RBM20: variants seen among roughly 807,000 people sequenced by gnomAD.
The protein encoded by RBM20 is RNA binding motif protein 20.
In RBM20, 51 loss-of-function variants were observed where a neutral mutation model predicts 110.1. The observed-to-expected ratio is 0.46, with a 90% CI of 0.37 to 0.59. The LOEUF (loss-of-function observed/expected upper bound fraction) is 0.59. Among genes scored for constraint, RBM20 ranks in the 20% least tolerant of loss-of-function variants. The probability of loss-of-function intolerance (pLI) is 0.00; values close to 1 mark genes in which losing one functional copy is unlikely to be tolerated. For synonymous variants in RBM20, 589 were observed against 618.2 expected (o/e 0.95, Z 0.70); for missense variants, 1,512 against 1,574.9 (o/e 0.96, Z 0.68).
At chr10:110,808,216 C>A (rs542519222) in intron 7 of RBM20, among the ~76,000 whole-genome samples, 13 of 152,250 alleles carry the variant, frequency 8.5e-5, no homozygotes, top group Non-Finnish European at 1.8e-4. Flanking sequence ...TGACAACCGA[C>A]CCTGGCTGAA....
chr10:110,828,086 G>A (rs889523553), intron 12 of RBM20, among the ~76,000 whole-genome samples: 1 of 152,202 alleles, frequency 6.6e-6, no homozygotes, highest in East Asian at 1.9e-4. Flanking sequence ...GAAACAAACA[G>A]CATCGCCTGC....
At chr10:110,659,866 T>A (rs1327893933) in intron 1 of RBM20, among the ~76,000 whole-genome samples, 30 of 148,176 alleles carry the variant, frequency 2.0e-4, no homozygotes, top group Middle Eastern at 6.9e-3. Context: ...CTTTTTTTTT[T>A]AATTTTTTTT....
intron 1 of RBM20, among the ~76,000 whole-genome samples, chr10:110,646,092 A>G (rs1182728488): frequency 2.0e-5 from 3 of 152,248 alleles, no homozygotes; most frequent in Non-Finnish European, 2.9e-5. Context: ...ATTTGGAAAC[A>G]TCTGATGTGC....
At chr10:110,667,814 T>C (rs768701288) in intron 1 of RBM20, among the ~76,000 whole-genome samples, 4 of 152,202 alleles carry the variant, frequency 2.6e-5, no homozygotes, top group Non-Finnish European at 5.9e-5. Flanking sequence ...CCATCCAGTG[T>C]GGCCTTTGAT....
chr10:110,736,737 T>C (rs970294606), intron 1 of RBM20, among the ~76,000 whole-genome samples: 2 of 152,128 alleles, frequency 1.3e-5, no homozygotes, highest in African/African-American at 4.8e-5. Flanking sequence ...TTCAGTAAGC[T>C]CTTCATTGAA....
At chr10:110,684,309 G>A (rs909068443) in intron 1 of RBM20, among the ~76,000 whole-genome samples, 3 of 152,064 alleles carry the variant, frequency 2.0e-5, no homozygotes, top group Non-Finnish European at 2.9e-5. Flanking sequence ...CAGGAGAATC[G>A]TTTGAACCCG....
intron 1 of RBM20, among the ~76,000 whole-genome samples, chr10:110,726,066 C>T (rs1590638582): frequency 6.6e-6 from 1 of 152,284 alleles, no homozygotes; most frequent in Non-Finnish European, 1.5e-5. Context: ...TCTCTCTGGG[C>T]ACCTGCCTCC....
At chr10:110,789,640 G>A (rs1844460586) in intron 5 of RBM20, among the ~76,000 whole-genome samples, 1 of 151,934 alleles carries the variant, frequency 6.6e-6, no homozygotes, top group South Asian at 2.1e-4. Context: ...GAGAGACAGG[G>A]TGTCGCCATG....
At chr10:110,712,038 A>G (rs553577798) in intron 1 of RBM20, among the ~76,000 whole-genome samples, 1 of 152,382 alleles carries the variant, frequency 6.6e-6, no homozygotes, top group African/African-American at 2.4e-5. Flanking sequence ...AATCAGTAAT[A>G]GTAAGAAGTG....
intron 1 of RBM20, among the ~76,000 whole-genome samples, chr10:110,758,585 G>C (rs956320533): frequency 1.3e-5 from 2 of 152,112 alleles, no homozygotes; most frequent in Non-Finnish European, 2.9e-5. Flanking sequence ...ACGTGAGTTT[G>C]AGACTCAGTC....
At position 110,829,116 on chromosome 10, in the gene RBM20, G is replaced by C. The variant is rs115530724; in HGVS notation, c.3452-1945G>C. On this transcript the variant is annotated intron_variant, in intron 12 of 13. Transcript: ENST00000369519. ...TCCAGAGGCTGGGACGGGACTGAGA[G>C]TGTGGCTCTGATCAAAGCTCTCCTT... Among the ~76,000 whole-genome samples, 660 of 152,352 alleles carry C rather than the reference G, an allele frequency of 4.3e-3. 4 individuals carry two copies. The highest frequency in any genetic ancestry group is 0.015 in the African/African-American group (623 of 41,576).
rs567059003 is a variant in RBM20 at position 110,652,485 on chromosome 10, G to A, written c.191+7840G>A. 1.2e-4 allele frequency among the ~76,000 whole-genome samples: 19 copies of A among 152,052 alleles called. No individual in the cohort carries two copies. In the East Asian group the frequency reaches 1.3e-3, roughly 11 times the overall value. On this transcript the variant is annotated intron_variant, in intron 1 of 13. Coordinates refer to ENST00000369519, the MANE Select transcript of RBM20 (RefSeq NM_001134363.3). ...TCTTTATCTATTTCTTTTCCTAACCGTCTGTACCTGCGAGTATTTCATTTT... is the reference window on the plus strand; with the variant it reads ...TCTTTATCTATTTCTTTTCCTAACCATCTGTACCTGCGAGTATTTCATTTT...
intron 9 of RBM20, among the ~76,000 whole-genome samples, chr10:110,817,021 C>A (rs1844848728): frequency 6.6e-6 from 1 of 152,136 alleles, no homozygotes; most frequent in Admixed American, 6.5e-5. Context: ...GCCACAGGAC[C>A]ATAAAGAGGA....
intron 1 of RBM20, among the ~76,000 whole-genome samples, chr10:110,722,593 C>T (rs1843521062): frequency 6.6e-6 from 1 of 152,204 alleles, no homozygotes; most frequent in Non-Finnish European, 1.5e-5. Context: ...TGAATGCATG[C>T]TCCTTTAAAA....
At chr10:110,669,370 A>G (rs978332288) in intron 1 of RBM20, among the ~76,000 whole-genome samples, 8 of 152,100 alleles carry the variant, frequency 5.3e-5, no homozygotes, top group African/African-American at 1.7e-4. Flanking sequence ...TCCATGTATT[A>G]TTTGGATTTT....
At chr10:110,794,167 A>G (rs1003882660) in intron 5 of RBM20, among the ~76,000 whole-genome samples, 1 of 152,178 alleles carries the variant, frequency 6.6e-6, no homozygotes, top group Non-Finnish European at 1.5e-5. Context: ...AATAATAGCC[A>G]TGTTTATGTA....
At chr10:110,731,653 C>CTCTTG (rs3027992) in intron 1 of RBM20, among the ~76,000 whole-genome samples, 95,586 of 151,338 alleles carry the variant, frequency 0.63, 30,521 homozygotes, top group East Asian at 0.91. Context: ...TCATTTCTCC[C>CTCTTG]TCTTGTTATC....
At chr10:110,784,246 TG>T in intron 3 of RBM20, 94 bp from the exon 4 acceptor site, 2 of 863,892 alleles carry the variant, frequency 2.3e-6, no homozygotes, top group Non-Finnish European at 3.8e-6. Context: ...TTCAACTATT[TG>T]GGGGTCTGCA....
intron 1 of RBM20, among the ~76,000 whole-genome samples, chr10:110,699,039 A>T (rs1862714613): frequency 6.6e-6 from 1 of 152,158 alleles, no homozygotes; most frequent in Admixed American, 6.5e-5. Context: ...TCAGGACCTA[A>T]GCTAATGTAA....
Sources: gnomAD v4.1 joint callset for allele counts (sites outside exome capture counted in the v4.1 genomes callset) on GRCh38, gnomAD v4.1.1 for gene constraint, MANE v1.5 for transcripts, NCBI Gene and HGNC (gene_info 2026-07-23, HGNC 2026-07-21) for gene names.